The following ANO3 variants were observed in gnomAD, a reference collection of about 807,000 sequenced individuals.
The protein encoded by ANO3 is anoctamin-3.
ANO3 carries 99 observed loss-of-function variants against 144.8 expected under a neutral mutation model. The observed-to-expected ratio is 0.68, with a 90% CI of 0.58 to 0.81. The LOEUF (loss-of-function observed/expected upper bound fraction) is 0.81. ANO3 is among the 30% of genes least tolerant of loss of function. The probability of loss-of-function intolerance (pLI) is 0.00; values close to 1 mark genes in which losing one functional copy is unlikely to be tolerated. For synonymous variants in ANO3, 414 were observed against 392.6 expected (o/e 1.05, Z -0.64); for missense variants, 905 against 1,202.2 (o/e 0.75, Z 3.66).
intron 1 of ANO3, among the ~76,000 whole-genome samples, chr11:26,215,457 T>G (rs989267148): frequency 1.3e-5 from 2 of 151,996 alleles, no homozygotes; most frequent in South Asian, 2.1e-4. Flanking sequence ...GTGAAGATTT[T>G]TTTTTCCCCC....
chr11:26,380,700 T>C (rs996348085), intron 1 of ANO3, among the ~76,000 whole-genome samples: 2 of 152,038 alleles, frequency 1.3e-5, no homozygotes, highest in African/African-American at 2.4e-5. Context: ...GCAGCACATA[T>C]TTAATATAAG....
chr11:26,285,411 T>C (rs1203589951), intron 1 of ANO3, among the ~76,000 whole-genome samples: 1 of 152,202 alleles, frequency 6.6e-6, no homozygotes, highest in Non-Finnish European at 1.5e-5. Context: ...TTGTCTTATT[T>C]GTTGTGCATT....
intron 12 of ANO3, among the ~76,000 whole-genome samples, chr11:26,549,548 G>A (rs1228222219): frequency 1.3e-5 from 2 of 151,796 alleles, no homozygotes; most frequent in Non-Finnish European, 2.9e-5. Context: ...TGGCTCTATT[G>A]ATCATGTTTC....
intron 1 of ANO3, among the ~76,000 whole-genome samples, chr11:26,323,407 T>C (rs1854807391): frequency 6.6e-6 from 1 of 152,164 alleles, no homozygotes; most frequent in Admixed American, 6.6e-5. Context: ...TGGAATCCTT[T>C]GGATGGATTC....
At chr11:26,632,665 A>T (rs1488624013) in intron 18 of ANO3, among the ~76,000 whole-genome samples, 1 of 151,482 alleles carries the variant, frequency 6.6e-6, no homozygotes, top group Non-Finnish European at 1.5e-5. Flanking sequence ...ACAGGAACAC[A>T]AATATTATTT....
At chr11:26,621,269 G>C (rs776348987) in intron 17 of ANO3, among the ~76,000 whole-genome samples, 1 of 152,172 alleles carries the variant, frequency 6.6e-6, no homozygotes, top group East Asian at 1.9e-4. Flanking sequence ...GGCCTACTGT[G>C]CACTGAAAAA....
chr11:26,232,297 C>T (rs572011614), intron 1 of ANO3, among the ~76,000 whole-genome samples: 19 of 152,200 alleles, frequency 1.2e-4, no homozygotes, highest in African/African-American at 3.9e-4. Context: ...AACAGCAAGA[C>T]GTGCTCAGGG....
At chr11:26,410,159 A>G (rs1043447646) in intron 1 of ANO3, among the ~76,000 whole-genome samples, 3 of 151,960 alleles carry the variant, frequency 2.0e-5, no homozygotes, top group Admixed American at 6.6e-5. Context: ...TATACAGTAT[A>G]TATATCGAGT....
At chr11:26,356,977 A>C (rs1855800933) in intron 1 of ANO3, among the ~76,000 whole-genome samples, 1 of 152,218 alleles carries the variant, frequency 6.6e-6, no homozygotes, top group Non-Finnish European at 1.5e-5. Context: ...TATCTAGGAC[A>C]GTCTCCCCAT....
intron 3 of ANO3, among the ~76,000 whole-genome samples, chr11:26,445,566 A>G (rs1289702161): frequency 2.0e-5 from 3 of 151,608 alleles, no homozygotes; most frequent in African/African-American, 7.3e-5. Flanking sequence ...CTCTCCAGGC[A>G]CTGTATCTCG....
intron 1 of ANO3, among the ~76,000 whole-genome samples, chr11:26,288,871 A>G (rs1168974299): frequency 6.6e-6 from 1 of 152,158 alleles, no homozygotes; most frequent in Admixed American, 6.5e-5. Context: ...GGGAAGCTAC[A>G]ATAGGTGGAT....
intron 1 of ANO3, among the ~76,000 whole-genome samples, chr11:26,201,703 G>A (rs184454766): frequency 2.6e-4 from 39 of 151,286 alleles, no homozygotes; most frequent in Non-Finnish European, 4.7e-4. Flanking sequence ...TGAATGTCAT[G>A]ATAGTGGAGT....
chr11:26,323,424 C>A (rs11029516), intron 1 of ANO3, among the ~76,000 whole-genome samples: 13 of 152,090 alleles, frequency 8.5e-5, no homozygotes, highest in Admixed American at 4.6e-4. Flanking sequence ...ATTCTCCCCC[C>A]AGACTTACTG....
rs186563914 is a variant in ANO3, at chr11:26,504,053, G to A, written c.433-4051G>A. Among the ~76,000 whole-genome samples, 764 of 152,182 alleles carry A rather than the reference G, an allele frequency of 5.0e-3. 8 individuals carry two copies. Among genetic ancestry groups the A allele is most frequent in the African/African-American group, 0.017 (709 of 41,526 alleles). ...GGAGAGTAGTATACTTTAAGAAAAC[G>A]TGGAAGAAAATTTGTGTTTTATTTT... On this transcript the variant is annotated intron_variant, in intron 4 of 26. Transcript: ENST00000256737.
intron 6 of ANO3, among the ~76,000 whole-genome samples, chr11:26,517,817 T>A (rs17243370): frequency 0.11 from 16,723 of 152,084 alleles, 1,286 homozygotes; most frequent in Admixed American, 0.15. Flanking sequence ...TCTACAGTAT[T>A]CAACGTAAAA....
At position 26,662,155 on chromosome 11, in the gene ANO3, T is replaced by C. The variant is rs1226497086; in HGVS notation, c.*1711T>C. The C allele has an allele frequency of 6.6e-6, 1 of 152,170 alleles. No homozygotes were observed. Among genetic ancestry groups the C allele is most frequent in the Admixed American group, 6.6e-5 (1 of 15,232 alleles). The allele number at this position is 152,170 out of a possible 1,614,324, so 9.4% of individuals were successfully genotyped here. On this transcript the variant is annotated 3_prime_UTR_variant, in exon 27 of 27. Transcript: ENST00000256737. ...TCCTTCTTTCTCTCCAGAAGAAACA[T>C]GGATAGATGATAGCTGTTTCATTGT...
chr11:26,469,130 C>T (rs1477914339), intron 4 of ANO3, among the ~76,000 whole-genome samples: 1 of 151,898 alleles, frequency 6.6e-6, no homozygotes. Context: ...CTCCCTGCAA[C>T]CCTAAAAGGA....
At chr11:26,452,940 AAAC>A (rs1455954064) in intron 3 of ANO3, among the ~76,000 whole-genome samples, 1 of 152,204 alleles carries the variant, frequency 6.6e-6, no homozygotes, top group African/African-American at 2.4e-5. Context: ...TTCTTAAAGA[AAAC>A]AATTTTCAAC....
intron 1 of ANO3, among the ~76,000 whole-genome samples, chr11:26,409,929 A>G (rs1388915975): frequency 6.6e-6 from 1 of 151,994 alleles, no homozygotes; most frequent in African/African-American, 2.4e-5. Context: ...ATTGATAGTG[A>G]TCAATGCAGT....
Sources: gnomAD v4.1 joint callset for allele counts (sites outside exome capture counted in the v4.1 genomes callset) on GRCh38, gnomAD v4.1.1 for gene constraint, MANE v1.5 for transcripts, NCBI Gene and HGNC (gene_info 2026-07-23, HGNC 2026-07-21) for gene names.